Variants in RBFOX1 observed in about 807,000 individuals in gnomAD.
RBFOX1 encodes RNA binding fox-1 homolog 1.
In RBFOX1, 8 loss-of-function variants were observed where a neutral mutation model predicts 57.7. The ratio of observed to expected loss-of-function variants is 0.14; its 90% CI spans 0.08 to 0.25. RBFOX1 has a LOEUF of 0.25. Among genes scored for constraint, RBFOX1 ranks in the 10% least tolerant of loss-of-function variants. The pLI is 1.00. For missense variants in RBFOX1, 611 were observed against 548.5 expected (o/e 1.11, Z -1.14); for synonymous variants, 326 against 222.4 (o/e 1.47, Z -4.15).
intron 3 of RBFOX1, among the ~76,000 whole-genome samples, chr16:6,794,520 T>C (rs543441428): frequency 1.3e-5 from 2 of 152,280 alleles, no homozygotes; most frequent in African/African-American, 4.8e-5. Flanking sequence ...ATGGTCATTT[T>C]ATAAGTTCCT....
intron 4 of RBFOX1, among the ~76,000 whole-genome samples, chr16:5,905,618 C>G (rs2152194095): frequency 6.6e-6 from 1 of 152,202 alleles, no homozygotes; most frequent in Admixed American, 6.5e-5. Flanking sequence ...GAGGCTGAGC[C>G]TAGGAGGTCA....
intron 3 of RBFOX1, among the ~76,000 whole-genome samples, chr16:7,023,333 G>A (rs1159152893): frequency 7.2e-5 from 11 of 151,738 alleles, no homozygotes; most frequent in Admixed American, 6.6e-4. Context: ...GGTGGTGCAT[G>A]CCTGTAATCC....
chr16:7,341,798 C>G, intron 4 of RBFOX1, among the ~76,000 whole-genome samples: 1 of 134,422 alleles, frequency 7.4e-6, no homozygotes, highest in Non-Finnish European at 1.6e-5. Context: ...TTCCTTCCTT[C>G]CTTCCTTCCT....
chr16:5,852,701 A>T (rs2056927055), intron 3 of RBFOX1, among the ~76,000 whole-genome samples: 1 of 152,164 alleles, frequency 6.6e-6, no homozygotes, highest in African/African-American at 2.4e-5. Flanking sequence ...ATGGTGGCTC[A>T]TACCCATAAT....
chr16:7,246,546 T>C (rs2094307273), intron 4 of RBFOX1, among the ~76,000 whole-genome samples: 1 of 151,946 alleles, frequency 6.6e-6, no homozygotes, highest in Non-Finnish European at 1.5e-5. Flanking sequence ...GTGGCATCCT[T>C]CCTTTTCCAC....
At chr16:6,793,655 G>A (rs1487949804) in intron 3 of RBFOX1, among the ~76,000 whole-genome samples, 1 of 152,148 alleles carries the variant, frequency 6.6e-6, no homozygotes, top group African/African-American at 2.4e-5. Flanking sequence ...TTGAGCCAAA[G>A]TATTATAACT....
At chr16:7,457,538 A>G (rs532335135) in intron 4 of RBFOX1, among the ~76,000 whole-genome samples, 4 of 152,180 alleles carry the variant, frequency 2.6e-5, no homozygotes, top group African/African-American at 9.6e-5. Flanking sequence ...TTCTTCATGC[A>G]GTGACTTTGG....
At position 7,626,856 on chromosome 16, in the gene RBFOX1, T is replaced by A. The variant is rs114559795; in HGVS notation, c.677-3747T>A. Among the ~76,000 whole-genome samples the A allele has an allele frequency of 5.6e-3, 858 of 152,326 alleles. 10 individuals are homozygous for A. Among genetic ancestry groups the A allele is most frequent in the African/African-American group, 0.019 (809 of 41,576 alleles). ...ATTATAATTCAATCATATGCATTAA[T>A]CCTTCTGAGGATCAGGTATTTTCCT... On this transcript the variant is annotated intron_variant, in intron 10 of 15. Transcript: ENST00000550418.
At chr16:6,139,832 A>G (rs1295979818) in intron 1 of RBFOX1, among the ~76,000 whole-genome samples, 1 of 152,054 alleles carries the variant, frequency 6.6e-6, no homozygotes, top group Admixed American at 6.5e-5. Context: ...CATGTCAGTG[A>G]TTCTCCCTTC....
intron 5 of RBFOX1, among the ~76,000 whole-genome samples, chr16:7,535,160 C>T (rs141702638): frequency 6.6e-6 from 1 of 152,236 alleles, no homozygotes; most frequent in East Asian, 1.9e-4. Context: ...ATGTGATATT[C>T]CTCAATATAA....
At chr16:5,560,413 A>G (rs117161637) in intron 2 of RBFOX1, among the ~76,000 whole-genome samples, 2,143 of 152,146 alleles carry the variant, frequency 0.014, 18 homozygotes, top group Non-Finnish European at 0.017. Flanking sequence ...TGACTCCCCA[A>G]GTTTGAGATG....
At chr16:7,154,390 A>T (rs372000438) in intron 4 of RBFOX1, among the ~76,000 whole-genome samples, 1 of 152,322 alleles carries the variant, frequency 6.6e-6, no homozygotes, top group East Asian at 1.9e-4. Context: ...CACACATTTC[A>T]TGTGAATGTG....
At chr16:6,226,851 T>C (rs2097421952) in intron 1 of RBFOX1, among the ~76,000 whole-genome samples, 1 of 151,380 alleles carries the variant, frequency 6.6e-6, no homozygotes, top group Admixed American at 6.6e-5. Context: ...GCCACACACC[T>C]GTAATCTCAG....
intron 3 of RBFOX1, among the ~76,000 whole-genome samples, chr16:6,931,337 C>CTATCTTTA (rs1419175284): frequency 1.7e-4 from 19 of 110,206 alleles, no homozygotes; most frequent in Admixed American, 4.5e-4. Context: ...ATCTATCTAT[C>CTATCTTTA]TCTACACACA....
At chr16:5,876,750 G>A (rs1416085052) in intron 4 of RBFOX1, among the ~76,000 whole-genome samples, 1 of 152,040 alleles carries the variant, frequency 6.6e-6, no homozygotes, top group Non-Finnish European at 1.5e-5. Flanking sequence ...ATGTGCTCCC[G>A]GGCTCATACT....
intron 3 of RBFOX1, among the ~76,000 whole-genome samples, chr16:5,834,577 CATAG>C (rs141276552): frequency 0.04 from 5,947 of 147,288 alleles, 128 homozygotes; most frequent in Middle Eastern, 0.046. Context: ...GTGCATGTGT[CATAG>C]ATAGATAGAT....
At chr16:5,939,761 G>C (rs1232656741) in intron 4 of RBFOX1, among the ~76,000 whole-genome samples, 1 of 152,140 alleles carries the variant, frequency 6.6e-6, no homozygotes, top group Non-Finnish European at 1.5e-5. Flanking sequence ...CCAGCTGATA[G>C]AGCCTCACAT....
At chr16:7,569,865 A>AAAAAC (rs1250172340) in intron 5 of RBFOX1, among the ~76,000 whole-genome samples, 1 of 151,886 alleles carries the variant, frequency 6.6e-6, no homozygotes, top group African/African-American at 2.4e-5. Flanking sequence ...TGTCTCCAAA[A>AAAAAC]AAAACAAAAC....
At chr16:5,344,797 T>C (rs2065105084) in intron 1 of RBFOX1, among the ~76,000 whole-genome samples, 2 of 152,238 alleles carry the variant, frequency 1.3e-5, no homozygotes, top group Non-Finnish European at 2.9e-5. Context: ...AAAATGTCTA[T>C]GAACAGCACG....
Sources: gnomAD v4.1 joint callset for allele counts (sites outside exome capture counted in the v4.1 genomes callset) on GRCh38, gnomAD v4.1.1 for gene constraint, MANE v1.5 for transcripts, NCBI Gene and HGNC (gene_info 2026-07-23, HGNC 2026-07-21) for gene names.